CXCL17: variants seen among roughly 807,000 people sequenced by gnomAD.
CXCL17 encodes the protein C-X-C motif chemokine 17.
Under a neutral mutation model 15.5 loss-of-function variants are expected in CXCL17, and 9 were observed. The observed-to-expected ratio is 0.58, with a 90% confidence interval of 0.35 to 1.01. The LOEUF (loss-of-function observed/expected upper bound fraction) is 1.01, where lower values mean the gene tolerates loss of function less well. CXCL17 is among the 50% of genes least tolerant of loss of function. The probability of loss-of-function intolerance (pLI) is 0.02; values close to 1 mark genes in which losing one functional copy is unlikely to be tolerated. For missense variants in CXCL17, 133 were observed against 138.2 expected, an observed-to-expected ratio of 0.96 and a Z score of 0.19; for synonymous variants, 52 against 52.3, an observed-to-expected ratio of 0.99 and a Z score of 0.02.
At chr19:42,441,615 A>T (rs1210899720) in intron 1 of CXCL17, among the ~76,000 whole-genome samples, 1 of 152,098 alleles carries the variant, frequency 6.6e-6, no homozygotes, top group East Asian at 1.9e-4. Flanking sequence ...CACTCTCTCT[A>T]CAAAGGAGGG....
At chr19:42,433,119 A>T in intron 2 of CXCL17, 42 bp from the exon 3 acceptor site, 1 of 1,395,656 alleles carries the variant, frequency 7.2e-7, no homozygotes, top group Non-Finnish European at 1.0e-6. Context: ...GAGTTAATAC[A>T]TTTGATAGGA....
intron 3 of CXCL17, 60 bp downstream of exon 3, chr19:42,432,916 T>C: frequency 1.6e-6 from 2 of 1,269,874 alleles, no homozygotes; most frequent in South Asian, 2.4e-5. Context: ...AACGTGCTTC[T>C]TCCCTAGTGA....
intron 1 of CXCL17, among the ~76,000 whole-genome samples, chr19:42,435,985 G>A (rs1354930727): frequency 1.3e-5 from 2 of 152,174 alleles, no homozygotes; most frequent in African/African-American, 4.8e-5. Context: ...TATCCAGCCT[G>A]CAGAACTGTG....
intron 1 of CXCL17, among the ~76,000 whole-genome samples, chr19:42,436,678 C>A (rs982735863): frequency 6.6e-6 from 1 of 152,142 alleles, no homozygotes; most frequent in African/African-American, 2.4e-5. Context: ...GTTGCTGTGT[C>A]ATCTTCATAA....
At chr19:42,442,231 T>TA (rs2040900179) in intron 1 of CXCL17, among the ~76,000 whole-genome samples, 1 of 88,648 alleles carries the variant, frequency 1.1e-5, no homozygotes, top group South Asian at 3.5e-4. Flanking sequence ...TTTCTTTCCT[T>TA]TTTTTTTTTT....
rs76940418 is a variant in CXCL17 at position 42,433,750 on chromosome 19, G to A, written c.160+26C>T. ...GAGCTGGGGTCATGGTGATGCCATC[G>A]CTGTTGTTGTTGCTGAATTACTGAC... On this transcript the variant is annotated intron_variant, in intron 2 of 3. Transcript: ENST00000601181. 2.4e-3 allele frequency: 3,805 copies of A among 1,593,352 alleles called. 76 individuals carry two copies. The East Asian group carries it at 0.047, about 20-fold the overall frequency.
chr19:42,430,463 G>A (rs2040767000), intron 3 of CXCL17, among the ~76,000 whole-genome samples: 2 of 151,674 alleles, frequency 1.3e-5, no homozygotes, highest in African/African-American at 2.4e-5. Context: ...GTGTGGTGGC[G>A]CATCCCTGTA....
At chr19:42,439,801 AG>A (rs2040874090) in intron 1 of CXCL17, among the ~76,000 whole-genome samples, 1 of 152,250 alleles carries the variant, frequency 6.6e-6, no homozygotes, top group African/African-American at 2.4e-5. Context: ...CCTGAAAGAG[AG>A]GGAAAGACTG....
intron 1 of CXCL17, among the ~76,000 whole-genome samples, chr19:42,438,113 C>T (rs2040850388): frequency 6.6e-6 from 1 of 151,692 alleles, no homozygotes; most frequent in Non-Finnish European, 1.5e-5. Flanking sequence ...AATCCCAGCA[C>T]TTTGGGAGGC....
intron 1 of CXCL17, among the ~76,000 whole-genome samples, chr19:42,439,672 G>C (rs184958567): frequency 6.6e-6 from 1 of 152,310 alleles, no homozygotes; most frequent in East Asian, 1.9e-4. Flanking sequence ...GTCCAGAGAA[G>C]GATACATCAC....
At chr19:42,434,667 C>G (rs1282665096) in intron 1 of CXCL17, among the ~76,000 whole-genome samples, 1 of 151,498 alleles carries the variant, frequency 6.6e-6, no homozygotes, top group Non-Finnish European at 1.5e-5. Context: ...TGGGCGTAAG[C>G]GATCCGCCTG....
chr19:42,433,140 C>G (rs2040800347), intron 2 of CXCL17, 63 bp from the exon 3 acceptor site: 5 of 1,215,502 alleles, frequency 4.1e-6, no homozygotes, highest in Non-Finnish European at 6.0e-6. Context: ...GGGAGTAGGA[C>G]AGAGCTTTAA....
chr19:42,442,664 T>C (rs1181872832), intron 1 of CXCL17, 90 bp downstream of exon 1: 1 of 906,952 alleles, frequency 1.1e-6, no homozygotes. Context: ...CCATCCCCCA[T>C]AGCTAAGAGA....
intron 1 of CXCL17, among the ~76,000 whole-genome samples, chr19:42,442,011 G>A (rs2040896700): frequency 6.6e-6 from 1 of 152,050 alleles, no homozygotes; most frequent in Non-Finnish European, 1.5e-5. Context: ...AAGAATAGAA[G>A]CAAGGACTTC....
At position 42,442,717 on chromosome 19, in the gene CXCL17, T is replaced by TC. The variant is rs66616932; in HGVS notation, c.79+36dup. On this transcript the variant is annotated intron_variant, in intron 1 of 3. Coordinates refer to ENST00000601181, the MANE Select transcript of CXCL17 (RefSeq NM_198477.3). Reference sequence around the variant, plus strand: ...TCTGTGGCCTGTTTTGCCACATTTCTCCCCCCGTTTTCCCCTTCATAGACA... The same window carrying TC: ...TCTGTGGCCTGTTTTGCCACATTTCTCCCCCCCGTTTTCCCCTTCATAGACA... 8 of 1,475,712 alleles carry TC rather than the reference T, an allele frequency of 5.4e-6. No individual in the cohort carries two copies. In the East Asian group the frequency reaches 1.4e-4, roughly 25 times the overall value. 91.4% of individuals were successfully genotyped at this position (1,475,712 alleles called of 1,614,324 possible).
At chr19:42,436,674 G>A (rs183273587) in intron 1 of CXCL17, among the ~76,000 whole-genome samples, 1 of 152,156 alleles carries the variant, frequency 6.6e-6, no homozygotes, top group Non-Finnish European at 1.5e-5. Flanking sequence ...GCATGTTGCT[G>A]TGTCATCTTC....
At chr19:42,431,574 T>G (rs939720444) in intron 3 of CXCL17, among the ~76,000 whole-genome samples, 2 of 151,722 alleles carry the variant, frequency 1.3e-5, no homozygotes, top group African/African-American at 4.9e-5. Flanking sequence ...CACCTGAAAC[T>G]TACGTTAATG....
intron 1 of CXCL17, among the ~76,000 whole-genome samples, chr19:42,435,828 T>TA (rs34518705): frequency 0.78 from 105,946 of 136,694 alleles, 42,951 homozygotes; most frequent in Non-Finnish European, 0.91. Context: ...AGACTTTGTC[T>TA]AAAAAAAAAA....
chr19:42,442,628 C>A, intron 1 of CXCL17, 126 bp downstream of exon 1: 1 of 646,936 alleles, frequency 1.5e-6, no homozygotes, highest in Non-Finnish European at 2.8e-6. Flanking sequence ...AAGGAGGAAA[C>A]TGGCATTGAG....
Sources: gnomAD v4.1 joint callset for allele counts (sites outside exome capture counted in the v4.1 genomes callset) on GRCh38, gnomAD v4.1.1 for gene constraint, MANE v1.5 for transcripts, NCBI Gene and HGNC (gene_info 2026-07-23, HGNC 2026-07-21) for gene names.